NFIC: variants seen among roughly 807,000 people sequenced by gnomAD.
NFIC encodes the protein nuclear factor 1 C-type.
Under a neutral mutation model 54.4 loss-of-function variants are expected in NFIC, and 12 were observed. The observed-to-expected ratio is 0.22, with a 90% CI of 0.14 to 0.36. The LOEUF (loss-of-function observed/expected upper bound fraction) is 0.36, where lower values mean the gene tolerates loss of function less well. Among genes scored for constraint, NFIC ranks in the 10% least tolerant of loss-of-function variants. NFIC has a pLI of 1.00. For missense variants in NFIC, 575 were observed against 718.2 expected (o/e 0.80, Z 2.28); for synonymous variants, 322 against 319.2 (o/e 1.01, Z -0.09).
At chr19:3,425,320 G>T (rs577132641) in intron 3 of NFIC, 143 bp downstream of exon 3, 4 of 968,278 alleles carry the variant, frequency 4.1e-6, no homozygotes, top group Non-Finnish European at 6.0e-6. Flanking sequence ...CTGTCCAGGG[G>T]CTACCAGGGA....
Position 3,429,132 on chromosome 19 carries a change from A to ACAC in NFIC, c.634+3955_634+3956insCAC, listed in dbSNP as rs1322939958. On this transcript the variant is annotated intron_variant, in intron 3 of 10. Transcript: ENST00000443272. ...AGACCCTATCTCTACCCAAAAAAAA[A>ACAC]ATATACACACACACACACACACACA... is the stretch of plus-strand genomic sequence containing the variant. Among the ~76,000 whole-genome samples, 166 of 67,430 alleles carry ACAC rather than the reference A, an allele frequency of 2.5e-3. 3 individuals are homozygous for ACAC. The highest frequency in any genetic ancestry group is 0.011 in the African/African-American group (158 of 14,804). The allele number at this position is 67,430 out of a possible 152,430, so 44.2% of individuals were successfully genotyped here. A position where few individuals can be genotyped will look rare whatever the true frequency, so the allele number is the denominator to read the frequency against.
rs1294342142 is a variant in NFIC, at chr19:3,463,561, C to T, written c.*792C>T. ...GGCCGACTCGCTGTCTCGCTGGGGACTCTTTCAGCCCTCGCGCCCGCCCGT... is the reference window on the plus strand; with the variant it reads ...GGCCGACTCGCTGTCTCGCTGGGGATTCTTTCAGCCCTCGCGCCCGCCCGT... On this transcript the variant is annotated 3_prime_UTR_variant, in exon 11 of 11. Coordinates refer to ENST00000443272, the MANE Select transcript of NFIC (RefSeq NM_001245002.2). The T allele has an allele frequency of 9.1e-6, 9 of 984,334 alleles. No individual in the cohort carries two copies. The highest frequency in any genetic ancestry group is 1.1e-5 in the Non-Finnish European group (9 of 829,628). 61.0% of individuals were successfully genotyped at this position (984,334 alleles called of 1,614,324 possible).
intron 6 of NFIC, among the ~76,000 whole-genome samples, chr19:3,443,430 A>AAAAAAG (rs924659611): frequency 5.9e-5 from 9 of 151,882 alleles, no homozygotes; most frequent in Non-Finnish European, 8.8e-5. Flanking sequence ...CTCAAAAAAA[A>AAAAAAG]AAAAAGAAAA....
At position 3,370,774 on chromosome 19, in the gene NFIC, C is replaced by T. The variant is rs2080993513; in HGVS notation, c.30+4108C>T. Among the ~76,000 whole-genome samples, 4 of 152,078 alleles carry T rather than the reference C, an allele frequency of 2.6e-5. No individual in the cohort carries two copies. Among genetic ancestry groups the T allele is most frequent in the Admixed American group, 6.6e-5 (1 of 15,260 alleles). ...TCTCTCTGTCTCTCTGAGCTGGCCT[C>T]CCTCCCTGTCTCACACCAAATGGAT... On this transcript the variant is annotated intron_variant, in intron 1 of 10. Transcript: ENST00000443272. The surrounding 1 kb of genome is among the most constrained non-coding windows in gnomAD (Gnocchi z 5.2).
At position 3,453,132 on chromosome 19, in the gene NFIC, AG is replaced by A. The variant is rs1262243836; in HGVS notation, c.1269+468del. Among the ~76,000 whole-genome samples the A allele has an allele frequency of 1.3e-5, 2 of 152,132 alleles. No individual in the cohort carries two copies. The highest frequency in any genetic ancestry group is 4.8e-5 in the African/African-American group (2 of 41,438). ...CGGGCGCCTGTAGTCCCAGCTACTC[AG>A]GAGGCTGAGGTGGGAGGATCGCTTG... is the stretch of plus-strand genomic sequence containing the variant. On this transcript the variant is annotated intron_variant, in intron 8 of 10. Coordinates refer to ENST00000443272, the MANE Select transcript of NFIC (RefSeq NM_001245002.2). This position sits in a 1 kb window ranked among gnomAD's most constrained non-coding sequence, Gnocchi z 6.7.
At chr19:3,420,772 A>G (rs2081942020) in intron 2 of NFIC, among the ~76,000 whole-genome samples, 1 of 151,578 alleles carries the variant, frequency 6.6e-6, no homozygotes, top group African/African-American at 2.4e-5. Flanking sequence ...CCCAGACTAG[A>G]GTGCAATTGG....
chr19:3,413,309 G>A (rs575346103), intron 2 of NFIC, among the ~76,000 whole-genome samples: 4 of 152,124 alleles, frequency 2.6e-5, no homozygotes, highest in Non-Finnish European at 5.9e-5. Context: ...ATCCCAAACC[G>A]CCAATGAGAA....
intron 5 of NFIC, 52 bp from the exon 6 acceptor site, chr19:3,435,031 C>T (rs1206732654): frequency 6.6e-7 from 1 of 1,510,078 alleles, no homozygotes; most frequent in East Asian, 2.5e-5. Context: ...CGTCGCGCCC[C>T]CCGCCCCGCG....
chr19:3,436,907 T>C (rs2145637901), intron 6 of NFIC, among the ~76,000 whole-genome samples: 1 of 152,306 alleles, frequency 6.6e-6, no homozygotes, highest in Middle Eastern at 3.4e-3. Flanking sequence ...GGCACATCAC[T>C]TAACTTCTCT....
intron 2 of NFIC, among the ~76,000 whole-genome samples, chr19:3,405,662 C>T (rs2081636944): frequency 6.6e-6 from 1 of 151,764 alleles, no homozygotes; most frequent in Non-Finnish European, 1.5e-5. Context: ...TGCAATGGCA[C>T]GATCTCGGCT....
intron 6 of NFIC, among the ~76,000 whole-genome samples, chr19:3,442,142 T>C (rs902721257): frequency 2.0e-5 from 3 of 152,154 alleles, no homozygotes; most frequent in African/African-American, 4.8e-5. Context: ...CTTTGCCCGC[T>C]TGGGGCCTGG....
At chr19:3,388,380 C>G (rs1014411691) in intron 2 of NFIC, among the ~76,000 whole-genome samples, 4 of 152,188 alleles carry the variant, frequency 2.6e-5, no homozygotes, top group African/African-American at 9.7e-5. Context: ...GTTTAATTCT[C>G]TCCCCCATCC....
chr19:3,398,393 C>G (rs7246605), intron 2 of NFIC, among the ~76,000 whole-genome samples: 146,406 of 152,184 alleles, frequency 0.96, 70,428 homozygotes, highest in East Asian at 0.98. Context: ...AGCTGAGAGG[C>G]AAAGGCCACC....
intron 2 of NFIC, among the ~76,000 whole-genome samples, chr19:3,415,635 C>G (rs143520886): frequency 2.6e-5 from 4 of 152,066 alleles, no homozygotes; most frequent in Admixed American, 6.6e-5. Context: ...TGTAGCCCCC[C>G]AACCCCTGCA....
At chr19:3,381,319 C>A (rs111265855) in intron 1 of NFIC, among the ~76,000 whole-genome samples, 12,608 of 147,796 alleles carry the variant, frequency 0.085, 643 homozygotes, top group Middle Eastern at 0.15. Context: ...CGCTTGAACC[C>A]GGGAGGTGGA....
chr19:3,398,718 T>C (rs2081505042), intron 2 of NFIC, among the ~76,000 whole-genome samples: 1 of 152,154 alleles, frequency 6.6e-6, no homozygotes. Flanking sequence ...CGGGACAGGT[T>C]GCTGCCGGAT....
rs150988941 is a variant in NFIC, at chr19:3,400,017, T to C, written c.562+17774T>C. Among the ~76,000 whole-genome samples, 995 of 152,128 alleles carry C rather than the reference T, an allele frequency of 6.5e-3. 8 individuals carry two copies. Among genetic ancestry groups the C allele is most frequent in the African/African-American group, 0.022 (893 of 41,474 alleles). On this transcript the variant is annotated intron_variant, in intron 2 of 10. Coordinates refer to ENST00000443272, the MANE Select transcript of NFIC (RefSeq NM_001245002.2). ...CTGGGCAACATAGCAAATCTCTGTC[T>C]CAAAAATTTTTGAAAACAAAAGAGT...
chr19:3,415,265 A>T (rs915649208), intron 2 of NFIC, among the ~76,000 whole-genome samples: 2 of 150,832 alleles, frequency 1.3e-5, no homozygotes, highest in African/African-American at 4.9e-5. Context: ...GGTGCATGCC[A>T]GCACACCCAG....
chr19:3,438,121 CTATT>C (rs1333000466), intron 6 of NFIC, among the ~76,000 whole-genome samples: 2 of 152,132 alleles, frequency 1.3e-5, no homozygotes, highest in Non-Finnish European at 2.9e-5. Flanking sequence ...AGCTTTAAGT[CTATT>C]TATTAGGAGA....
Sources: allele counts gnomAD v4.1 joint callset (sites outside exome capture counted in the v4.1 genomes callset), GRCh38; gene constraint gnomAD v4.1.1; non-coding constraint Gnocchi (gnomAD v3.1); transcripts MANE v1.5; gene names NCBI Gene and HGNC (gene_info 2026-07-23, HGNC 2026-07-21).